The following UTRN variants were observed in gnomAD, a reference collection of about 807,000 sequenced individuals.
The protein encoded by UTRN is utrophin.
Under a neutral mutation model 463.9 loss-of-function variants are expected in UTRN, and 283 were observed. The ratio of observed to expected loss-of-function variants is 0.61; its 90% CI spans 0.55 to 0.67. The LOEUF is 0.67. Among genes scored for constraint, UTRN ranks in the 30% least tolerant of loss-of-function variants. The probability of loss-of-function intolerance (pLI) is 0.00; values close to 1 mark genes in which losing one functional copy is unlikely to be tolerated. For synonymous variants in UTRN, 1,442 were observed against 1,431.5 expected (o/e 1.01, Z -0.17); for missense variants, 3,922 against 4,084.3 (o/e 0.96, Z 1.08).
At chr6:144,772,117 T>A (rs1357283411) in intron 59 of UTRN, 149 bp downstream of exon 59, 1 of 471,960 alleles carries the variant, frequency 2.1e-6, no homozygotes, top group East Asian at 3.9e-5. Context: ...CACTGCAACC[T>A]CTGCCTCCCG....
intron 34 of UTRN, among the ~76,000 whole-genome samples, chr6:144,505,009 T>C (rs974614504): frequency 6.6e-6 from 1 of 152,202 alleles, no homozygotes; most frequent in Non-Finnish European, 1.5e-5. Context: ...TGTCCTGGAA[T>C]TTACCCATTT....
intron 2 of UTRN, among the ~76,000 whole-genome samples, chr6:144,394,107 A>G (rs750897501): frequency 2.6e-5 from 4 of 152,198 alleles, no homozygotes; most frequent in Non-Finnish European, 5.9e-5. Context: ...TTGCTGGTCC[A>G]TTTTATCCAT....
chr6:144,459,816 C>A (rs1048613653), intron 21 of UTRN, among the ~76,000 whole-genome samples: 1 of 151,988 alleles, frequency 6.6e-6, no homozygotes, highest in East Asian at 1.9e-4. Context: ...TCTAGAACTC[C>A]TGGGCTCAAG....
chr6:144,665,883 CT>C (rs1429325022), intron 51 of UTRN, among the ~76,000 whole-genome samples: 1 of 152,172 alleles, frequency 6.6e-6, no homozygotes, highest in African/African-American at 2.4e-5. Flanking sequence ...GACATTGCTT[CT>C]GCCCTGTTTT....
chr6:144,293,730 T>C (rs7740792), intron 2 of UTRN, among the ~76,000 whole-genome samples: 3,823 of 152,230 alleles, frequency 0.025, 97 homozygotes, highest in South Asian at 0.13. Context: ...AAGGATGTTA[T>C]GGTCAAATAG....
chr6:144,635,514 C>CTTTTTTTTTTTTTTTTTTTTT (rs1402815648), intron 51 of UTRN, among the ~76,000 whole-genome samples: 5 of 80,008 alleles, frequency 6.2e-5, no homozygotes, highest in African/African-American at 9.8e-5. Context: ...CTTTTTTTTT[C>CTTTTTTTTTTTTTTTTTTTTT]TTTTTTTTTT....
chr6:144,660,744 G>A lies in UTRN; in HGVS notation c.7480-17662G>A, dbSNP rs185373074. On this transcript the variant is annotated intron_variant, in intron 51 of 74. Transcript: ENST00000367545. ...GCCCTCTGCCTGGGGACTCAGCTGT[G>A]GGTGGCAGAAGTCGCTTCACAGTGA... 1.4e-3 allele frequency among the ~76,000 whole-genome samples: 206 copies of A among 152,296 alleles called. 1 individual carries two copies. Among genetic ancestry groups the A allele is most frequent in the Non-Finnish European group, 2.2e-3 (147 of 68,028 alleles).
intron 59 of UTRN, 46 bp from the exon 60 acceptor site, chr6:144,774,244 A>G (rs770045840): frequency 7.2e-6 from 11 of 1,517,884 alleles, no homozygotes; most frequent in South Asian, 4.9e-5. Flanking sequence ...TTCAATATAT[A>G]TTCAATAATA....
intron 65 of UTRN, among the ~76,000 whole-genome samples, chr6:144,811,794 T>C (rs1238382657): frequency 1.3e-5 from 2 of 151,858 alleles, no homozygotes; most frequent in African/African-American, 4.8e-5. Context: ...GATAATGAAA[T>C]GTACCGCTTA....
intron 56 of UTRN, among the ~76,000 whole-genome samples, chr6:144,753,750 C>A (rs1011015962): frequency 3.3e-5 from 5 of 150,916 alleles, no homozygotes; most frequent in African/African-American, 9.8e-5. Context: ...GCGTGTAGTC[C>A]CAGCTACCTG....
chr6:144,847,806 A>G (rs879757284), intron 74 of UTRN, among the ~76,000 whole-genome samples: 1 of 152,022 alleles, frequency 6.6e-6, no homozygotes, highest in Non-Finnish European at 1.5e-5. Context: ...TTTTTGTGTG[A>G]CTCAGTTCCC....
intron 2 of UTRN, among the ~76,000 whole-genome samples, chr6:144,312,854 G>A (rs1775026386): frequency 6.6e-6 from 1 of 152,196 alleles, no homozygotes; most frequent in African/African-American, 2.4e-5. Flanking sequence ...CACCATAGTG[G>A]ATTCATACAA....
chr6:144,516,141 A>C (rs1196542054), intron 37 of UTRN, 88 bp from the exon 38 acceptor site: 2 of 1,325,380 alleles, frequency 1.5e-6, no homozygotes, highest in South Asian at 2.6e-5. Context: ...AAAAAGTGTT[A>C]GTTTCTCTCT....
intron 30 of UTRN, among the ~76,000 whole-genome samples, chr6:144,489,349 A>T (rs1029501669): frequency 6.6e-6 from 1 of 151,998 alleles, no homozygotes; most frequent in African/African-American, 2.4e-5. Flanking sequence ...GGGTTTTGCC[A>T]TATTGTCCAG....
chr6:144,786,765 C>T (rs1776331117), intron 61 of UTRN, among the ~76,000 whole-genome samples: 1 of 152,154 alleles, frequency 6.6e-6, no homozygotes, highest in Non-Finnish European at 1.5e-5. Context: ...GACTAAATCA[C>T]TAATGATAGG....
At chr6:144,822,969 T>C (rs1779730470) in intron 66 of UTRN, among the ~76,000 whole-genome samples, 1 of 152,164 alleles carries the variant, frequency 6.6e-6, no homozygotes, top group African/African-American at 2.4e-5. Flanking sequence ...TAGATGCATA[T>C]TTTATACTCC....
Position 144,748,602 on chromosome 6 carries a change from T to C in UTRN, c.8208+88T>C, listed in dbSNP as rs1289289799. On this transcript the variant is annotated intron_variant, in intron 55 of 74. Transcript: ENST00000367545. ...AAAGAGAGCCACGTATATAAATTGTTATAAGGGATTGTTACAAAGCCAACG... is the reference window on the plus strand; with the variant it reads ...AAAGAGAGCCACGTATATAAATTGTCATAAGGGATTGTTACAAAGCCAACG... 4 of 1,495,690 alleles carry C rather than the reference T, an allele frequency of 2.7e-6. No homozygotes were observed. The African/African-American group carries it at 4.2e-5, about 16-fold the overall frequency. The allele number at this position is 1,495,690 out of a possible 1,614,324, so 92.7% of individuals were successfully genotyped here.
chr6:144,369,329 A>G (rs1224199957), intron 2 of UTRN, among the ~76,000 whole-genome samples: 1 of 152,216 alleles, frequency 6.6e-6, no homozygotes, highest in Non-Finnish European at 1.5e-5. Context: ...CATAAAAATT[A>G]TAACCTGGGC....
chr6:144,675,995 A>T (rs1223956326), intron 51 of UTRN, among the ~76,000 whole-genome samples: 5 of 152,174 alleles, frequency 3.3e-5, no homozygotes, highest in Non-Finnish European at 5.9e-5. Context: ...AAAATTTATA[A>T]TAATTCTAAT....
Sources: allele counts gnomAD v4.1 joint callset (sites outside exome capture counted in the v4.1 genomes callset), GRCh38; gene constraint gnomAD v4.1.1; transcripts MANE v1.5; gene names NCBI Gene and HGNC (gene_info 2026-07-23, HGNC 2026-07-21).